RASGRP2: variants seen among roughly 807,000 people sequenced by gnomAD.
RASGRP2 encodes the protein RAS guanyl releasing protein 2.
A neutral mutation model predicts 71.0 loss-of-function variants in RASGRP2; 44 were observed. That is an observed-to-expected ratio of 0.62 (90% CI 0.49 to 0.80). RASGRP2 has a LOEUF of 0.80. RASGRP2 is among the 30% of genes least tolerant of loss of function. The probability of loss-of-function intolerance (pLI) is 0.00; values close to 1 mark genes in which losing one functional copy is unlikely to be tolerated. For synonymous variants in RASGRP2, 350 were observed against 330.7 expected (o/e 1.06, Z -0.63); for missense variants, 663 against 813.4 (o/e 0.82, Z 2.25).
chr11:64,740,422 T>C, intron 5 of RASGRP2: 1 of 659,834 alleles, frequency 1.5e-6, no homozygotes, highest in South Asian at 1.5e-5. Flanking sequence ...TAAGACACGG[T>C]TCCTGCCCTC....
In RASGRP2 at chr11:64,734,433, G is replaced by A. The variant is rs191030075; in HGVS notation, c.1412+679C>T. ...CTCCCAAAGTGCTAGGATTACAGGCGTGAGGCACCGCACCTGGCCTCTCAC... is the reference window on the plus strand; with the variant it reads ...CTCCCAAAGTGCTAGGATTACAGGCATGAGGCACCGCACCTGGCCTCTCAC... On this transcript the variant is annotated intron_variant, in intron 12 of 16. Coordinates refer to ENST00000394432, the MANE Select transcript of RASGRP2 (RefSeq NM_001098671.2). Among the ~76,000 whole-genome samples the A allele has an allele frequency of 1.5e-3, 224 of 152,084 alleles. 2 individuals are homozygous for A. The highest frequency in any genetic ancestry group is 5.2e-3 in the African/African-American group (215 of 41,512).
At chr11:64,737,234 C>T in intron 8 of RASGRP2, 200 bp from the exon 9 acceptor site, 1 of 626,530 alleles carries the variant, frequency 1.6e-6, no homozygotes, top group Admixed American at 2.7e-5. Context: ...ATACTCACTG[C>T]CAAAAGCACC....
intron 5 of RASGRP2, 110 bp from the exon 6 acceptor site, chr11:64,740,273 C>T: frequency 1.4e-6 from 2 of 1,416,732 alleles, no homozygotes; most frequent in Non-Finnish European, 2.0e-6. Context: ...TAATGCGAGG[C>T]ACTGTCCTAG....
chr11:64,733,205 A>G lies in RASGRP2; in HGVS notation c.1412+1907T>C, dbSNP rs373114864. On this transcript the variant is annotated intron_variant, in intron 12 of 16. Coordinates refer to ENST00000394432, the MANE Select transcript of RASGRP2 (RefSeq NM_001098671.2). ...AAGTACCTAGATGCTGCCTAAAGAT[A>G]TATCAACAATTGCTGTAAATGCATA... Among the ~76,000 whole-genome samples the G allele has an allele frequency of 7.9e-5, 12 of 152,280 alleles. No homozygotes were observed. The East Asian group carries it at 1.5e-3, about 20-fold the overall frequency.
rs541716829 is a variant in RASGRP2, at chr11:64,742,651, A to C, written c.73+143T>G. 1 of 1,065,298 alleles carries C rather than the reference A, an allele frequency of 9.4e-7. No individual in the cohort carries two copies. The highest frequency in any genetic ancestry group is 1.6e-5 in the African/African-American group (1 of 63,602). 66.0% of individuals were successfully genotyped at this position (1,065,298 alleles called of 1,614,324 possible). The stretch of plus-strand genomic sequence containing the variant: ...ATCTCTCTGCCCTGCGTTGCGGAGG[A>C]GGCTTTCGTTAAAGAGACTGCACGC... On this transcript the variant is annotated intron_variant, in intron 2 of 16. Coordinates refer to ENST00000394432, the MANE Select transcript of RASGRP2 (RefSeq NM_001098671.2). This position sits in a 1 kb window ranked among gnomAD's most constrained non-coding sequence, Gnocchi z 4.7.
Position 64,742,873 on chromosome 11 carries a change from C to T in RASGRP2, c.-7G>A, listed in dbSNP as rs1406203390. On this transcript the variant is annotated 5_prime_UTR_variant, in exon 2 of 17. Transcript: ENST00000394432. The surrounding 1 kb of genome is among the most constrained non-coding windows in gnomAD (Gnocchi z 4.7). ...GGTCCAGGGTGCCTGCCATGGCCGC[C>T]GGCGCGGGGTGGGCTGGGCCCAGGC... 3.2e-6 allele frequency: 5 copies of T among 1,586,578 alleles called. No homozygotes were observed. The highest frequency in any genetic ancestry group is 4.3e-6 in the Non-Finnish European group (5 of 1,169,798).
rs1221186526 is a variant in RASGRP2, at chr11:64,743,393, G to A, written c.-71-456C>T. 5.4e-6 allele frequency: 2 copies of A among 369,838 alleles called. No homozygotes were observed. The highest frequency in any genetic ancestry group is 6.9e-5 in the Admixed American group (2 of 28,890). 22.9% of individuals were successfully genotyped at this position (369,838 alleles called of 1,614,324 possible). A position where few individuals can be genotyped will look rare whatever the true frequency, so the allele number is the denominator to read the frequency against. ...CCTCGGAGGAATTTCTCCCTGGTAT[G>A]GGAGGTGGGGGGAGAGAACCCAGGC... is the stretch of plus-strand genomic sequence containing the variant. On this transcript the variant is annotated intron_variant, in intron 1 of 16. Transcript: ENST00000394432. This position sits in a 1 kb window ranked among gnomAD's most constrained non-coding sequence, Gnocchi z 4.9.
chr11:64,730,832 G>A (rs1395642259), intron 12 of RASGRP2, among the ~76,000 whole-genome samples: 1 of 152,168 alleles, frequency 6.6e-6, no homozygotes, highest in East Asian at 1.9e-4. Flanking sequence ...CTATAAATGG[G>A]TGTAATGATC....
At chr11:64,736,332 A>G (rs1348139055) in intron 9 of RASGRP2, among the ~76,000 whole-genome samples, 1 of 152,100 alleles carries the variant, frequency 6.6e-6, no homozygotes, top group Non-Finnish European at 1.5e-5. Flanking sequence ...CCCAATGTCT[A>G]GAACCTTGTC....
At chr11:64,737,452 T>C (rs1300977788) in intron 8 of RASGRP2, among the ~76,000 whole-genome samples, 1 of 151,432 alleles carries the variant, frequency 6.6e-6, no homozygotes, top group Non-Finnish European at 1.5e-5. Flanking sequence ...AGATGGATCA[T>C]GAGGTCAAGA....
chr11:64,732,875 G>C (rs796587398), intron 12 of RASGRP2, among the ~76,000 whole-genome samples: 3 of 151,536 alleles, frequency 2.0e-5, no homozygotes, highest in Non-Finnish European at 2.9e-5. Context: ...ACTTGAACCC[G>C]GGAGGCGGAG....
At chr11:64,740,895 G>C in intron 5 of RASGRP2, 53 bp downstream of exon 5, 1 of 1,604,974 alleles carries the variant, frequency 6.2e-7, no homozygotes, top group Non-Finnish European at 8.5e-7. Flanking sequence ...ATTAAGCACA[G>C]ATGGTATAGG....
chr11:64,728,280 C>T (rs995920830), intron 15 of RASGRP2, among the ~76,000 whole-genome samples: 1 of 152,164 alleles, frequency 6.6e-6, no homozygotes, highest in Non-Finnish European at 1.5e-5. Flanking sequence ...CTTTGTTAAC[C>T]CCTCCAACAA....
chr11:64,742,842 T>C lies in RASGRP2; in HGVS notation c.25A>G (p.Lys9Glu), dbSNP rs1398171453. The change falls in exon 2 of 17, where the codon AAG (lysine) becomes GAG (glutamate). Residue 9 changes from lysine (K) to glutamate (E), a missense_variant. Coordinates refer to ENST00000394432, the MANE Select transcript of RASGRP2 (RefSeq NM_001098671.2). This position sits in a 1 kb window ranked among gnomAD's most constrained non-coding sequence, Gnocchi z 4.7. ...AGCAGCTCCTCCACCGTGCAGCCCT[T>C]GTCCAGGTCCAGGGTGCCTGCCATG... MAGTLDLD[K>E]GCTVEELLRG... 1.9e-6 allele frequency: 3 copies of C among 1,605,756 alleles called. No individual in the cohort carries two copies. Among genetic ancestry groups the C allele is most frequent in the Non-Finnish European group, 2.5e-6 (3 of 1,177,786 alleles).
At position 64,735,773 on chromosome 11, in the gene RASGRP2, C is replaced by G. The variant is rs1322828275; in HGVS notation, c.1174-109G>C. 2 of 1,493,718 alleles carry G rather than the reference C, an allele frequency of 1.3e-6. No individual in the cohort carries two copies. Among genetic ancestry groups the G allele is most frequent in the Non-Finnish European group, 1.8e-6 (2 of 1,095,182 alleles). The allele number at this position is 1,493,718 out of a possible 1,614,324, so 92.5% of individuals were successfully genotyped here. On this transcript the variant is annotated intron_variant, in intron 10 of 16. Coordinates refer to ENST00000394432, the MANE Select transcript of RASGRP2 (RefSeq NM_001098671.2). This position sits in a 1 kb window ranked among gnomAD's most constrained non-coding sequence, Gnocchi z 4.2. ...GAGGGAAGTCTGCCCAACACTACTG[C>G]CCTACCCCCAGGATGCCTCTGTCCT...
intron 8 of RASGRP2, 28 bp from the exon 9 acceptor site, chr11:64,737,062 C>G (rs376639112): frequency 6.2e-7 from 1 of 1,612,502 alleles, no homozygotes; most frequent in Non-Finnish European, 8.5e-7. Context: ...AGGAGTCATA[C>G]CCCCACAACT....
chr11:64,742,592 G>A lies in RASGRP2; in HGVS notation c.73+202C>T, dbSNP rs190898384. ...CCTTCGCCGCCGCTGGGGAAGGCTAGAGAAGGGAAACCTCATCTGTCTGAA... is the reference window on the plus strand; with the variant it reads ...CCTTCGCCGCCGCTGGGGAAGGCTAAAGAAGGGAAACCTCATCTGTCTGAA... On this transcript the variant is annotated intron_variant, in intron 2 of 16. Coordinates refer to ENST00000394432, the MANE Select transcript of RASGRP2 (RefSeq NM_001098671.2). The surrounding 1 kb of genome is among the most constrained non-coding windows in gnomAD (Gnocchi z 4.7). 5.6e-6 allele frequency: 4 copies of A among 710,726 alleles called. No homozygotes were observed. Among genetic ancestry groups the A allele is most frequent in the Middle Eastern group, 3.9e-4 (1 of 2,538 alleles). 44.0% of individuals were successfully genotyped at this position (710,726 alleles called of 1,614,324 possible).
Position 64,735,371 on chromosome 11 carries a change from C to A in RASGRP2, c.1297-144G>T. On this transcript the variant is annotated intron_variant, in intron 11 of 16. Transcript: ENST00000394432. This position sits in a 1 kb window ranked among gnomAD's most constrained non-coding sequence, Gnocchi z 4.2. ...ACACCACCCCCGTTCCATACCTCCA[C>A]CCCCACCCTACCCAGGGGCACTTCA... The A allele has an allele frequency of 7.5e-7, 1 of 1,334,574 alleles. No individual in the cohort carries two copies. The highest frequency in any genetic ancestry group is 1.1e-6 in the Non-Finnish European group (1 of 936,960). The allele number at this position is 1,334,574 out of a possible 1,614,324, so 82.7% of individuals were successfully genotyped here. A position where few individuals can be genotyped will look rare whatever the true frequency, so the allele number is the denominator to read the frequency against.
intron 12 of RASGRP2, among the ~76,000 whole-genome samples, chr11:64,730,991 A>C (rs1255774334): frequency 6.6e-6 from 1 of 152,220 alleles, no homozygotes; most frequent in Non-Finnish European, 1.5e-5. Context: ...CCACCTGCTT[A>C]TGAGGGGGCT....
Sources: gnomAD v4.1 joint callset for allele counts (sites outside exome capture counted in the v4.1 genomes callset) on GRCh38, gnomAD v4.1.1 for gene constraint, Gnocchi (gnomAD v3.1) non-coding constraint, MANE v1.5 for transcripts, NCBI Gene and HGNC (gene_info 2026-07-23, HGNC 2026-07-21) for gene names.